Variants in DLG2 observed in about 807,000 individuals in gnomAD.
The protein encoded by DLG2 is discs large MAGUK scaffold protein 2.
DLG2 carries 45 observed loss-of-function variants against 132.5 expected under a neutral mutation model. The ratio of observed to expected loss-of-function variants is 0.34; its 90% CI spans 0.27 to 0.44. DLG2 has a LOEUF of 0.44. Among genes scored for constraint, DLG2 ranks in the 20% least tolerant of loss-of-function variants. The pLI is 1.00. For missense variants in DLG2, 1,045 were observed against 1,196.9 expected (o/e 0.87, Z 1.87); for synonymous variants, 424 against 419.6 (o/e 1.01, Z -0.13).
At chr11:84,263,113 C>T (rs1426578341) in intron 7 of DLG2, among the ~76,000 whole-genome samples, 1 of 152,100 alleles carries the variant, frequency 6.6e-6, no homozygotes, top group Non-Finnish European at 1.5e-5. Flanking sequence ...TACTGAGTCT[C>T]CCCAGTTAGT....
At chr11:83,704,485 T>A (rs968025919) in intron 18 of DLG2, among the ~76,000 whole-genome samples, 2 of 152,070 alleles carry the variant, frequency 1.3e-5, no homozygotes, top group Non-Finnish European at 2.9e-5. Context: ...ACCATTATAA[T>A]TGAAAAATAG....
intron 17 of DLG2, among the ~76,000 whole-genome samples, chr11:83,800,090 G>A (rs2043946229): frequency 6.6e-6 from 1 of 152,138 alleles, no homozygotes; most frequent in African/African-American, 2.4e-5. Flanking sequence ...AGGATGACTT[G>A]GGAGAGTATA....
chr11:85,139,062 T>C (rs539649331), intron 5 of DLG2, among the ~76,000 whole-genome samples: 1 of 152,230 alleles, frequency 6.6e-6, no homozygotes, highest in South Asian at 2.1e-4. Flanking sequence ...TGTTACCACC[T>C]CAGCAAGACC....
intron 3 of DLG2, among the ~76,000 whole-genome samples, chr11:85,406,652 CAAT>C (rs2088771566): frequency 6.6e-6 from 1 of 151,742 alleles, no homozygotes; most frequent in African/African-American, 2.4e-5. Context: ...CTCTGGTATT[CAAT>C]AATAACACTC....
intron 3 of DLG2, among the ~76,000 whole-genome samples, chr11:85,487,933 C>T (rs2093467214): frequency 6.6e-6 from 1 of 152,196 alleles, no homozygotes. Flanking sequence ...TCCCATAATT[C>T]CCATGTGCTG....
chr11:84,263,764 A>G (rs1240286948), intron 7 of DLG2, among the ~76,000 whole-genome samples: 2 of 152,166 alleles, frequency 1.3e-5, no homozygotes, highest in Non-Finnish European at 2.9e-5. Flanking sequence ...GTCTTAAAAT[A>G]TTTTATATCT....
At position 85,623,977 on chromosome 11, in the gene DLG2, G is replaced by A. The variant is rs7926968; in HGVS notation, c.-93+2610C>T. Among the ~76,000 whole-genome samples the A allele has an allele frequency of 5.2e-3, 794 of 152,212 alleles. 8 individuals carry two copies. Among genetic ancestry groups the A allele is most frequent in the African/African-American group, 0.018 (736 of 41,524 alleles). On this transcript the variant is annotated intron_variant, in intron 2 of 27. Coordinates refer to ENST00000376104, the MANE Select transcript of DLG2 (RefSeq NM_001142699.3). ...CCTAAATTTTCACAAATTAAAATATGTCCAAGATTGTCCCAAGGGCTCACC... is the reference window on the plus strand; with the variant it reads ...CCTAAATTTTCACAAATTAAAATATATCCAAGATTGTCCCAAGGGCTCACC...
chr11:85,609,018 G>A (rs1466967889), intron 2 of DLG2, among the ~76,000 whole-genome samples: 1 of 152,114 alleles, frequency 6.6e-6, no homozygotes, highest in Admixed American at 6.5e-5. Flanking sequence ...TCCCCAGTAT[G>A]GATCCCCACT....
At chr11:85,101,343 G>A (rs959345843) in intron 6 of DLG2, among the ~76,000 whole-genome samples, 4 of 152,048 alleles carry the variant, frequency 2.6e-5, no homozygotes, top group East Asian at 1.9e-4. Flanking sequence ...AAACATGTAT[G>A]CCTAAGAAAT....
intron 15 of DLG2, among the ~76,000 whole-genome samples, chr11:83,879,162 G>A (rs994904739): frequency 5.9e-5 from 9 of 152,130 alleles, no homozygotes; most frequent in African/African-American, 2.2e-4. Flanking sequence ...CCTAGCTGGT[G>A]GTAACAAATG....
chr11:84,270,578 G>C (rs2097707867), intron 7 of DLG2, among the ~76,000 whole-genome samples: 4 of 152,098 alleles, frequency 2.6e-5, no homozygotes, highest in South Asian at 2.1e-4. Flanking sequence ...TTTTATGTCA[G>C]GTTTATTGTT....
At chr11:83,930,107 G>A (rs1001236655) in intron 15 of DLG2, among the ~76,000 whole-genome samples, 1 of 152,156 alleles carries the variant, frequency 6.6e-6, no homozygotes, top group Non-Finnish European at 1.5e-5. Flanking sequence ...AGCATCATGT[G>A]ATCAATGTCT....
intron 4 of DLG2, among the ~76,000 whole-genome samples, chr11:85,190,032 T>C (rs532180): frequency 0.23 from 35,261 of 152,118 alleles, 5,039 homozygotes; most frequent in East Asian, 0.41. Flanking sequence ...TGAAACTGAA[T>C]CTAATTCAGG....
intron 6 of DLG2, among the ~76,000 whole-genome samples, chr11:84,603,500 C>T (rs1349098519): frequency 2.6e-5 from 4 of 151,782 alleles, no homozygotes; most frequent in South Asian, 2.1e-4. Flanking sequence ...TGAAAGGATG[C>T]AATCAATCTA....
At chr11:83,490,147 A>G (rs2093756059) in intron 21 of DLG2, among the ~76,000 whole-genome samples, 1 of 152,036 alleles carries the variant, frequency 6.6e-6, no homozygotes, top group Non-Finnish European at 1.5e-5. Flanking sequence ...CAGAGAAAGT[A>G]TAAGGTGAGT....
At chr11:83,490,790 T>G (rs1006184294) in intron 21 of DLG2, among the ~76,000 whole-genome samples, 1 of 151,850 alleles carries the variant, frequency 6.6e-6, no homozygotes, top group African/African-American at 2.4e-5. Context: ...AATATGTCAA[T>G]GTCATGAAAA....
intron 12 of DLG2, among the ~76,000 whole-genome samples, chr11:83,971,542 A>G (rs1185808594): frequency 6.6e-6 from 1 of 152,188 alleles, no homozygotes; most frequent in Non-Finnish European, 1.5e-5. Context: ...GGAATGAGCA[A>G]TATAGAGATG....
intron 2 of DLG2, among the ~76,000 whole-genome samples, chr11:85,599,135 T>C (rs972754967): frequency 1.3e-5 from 2 of 152,160 alleles, no homozygotes; most frequent in Non-Finnish European, 2.9e-5. Flanking sequence ...TTCCTTAACA[T>C]GACCCTTGAG....
At chr11:83,472,815 A>G (rs767475749) in intron 22 of DLG2, 38 bp from the exon 23 acceptor site, 3 of 1,562,258 alleles carry the variant, frequency 1.9e-6, no homozygotes, top group Non-Finnish European at 2.6e-6. Context: ...GTGAACTAAC[A>G]GTCATATATT....
Sources: allele counts gnomAD v4.1 joint callset (sites outside exome capture counted in the v4.1 genomes callset), GRCh38; gene constraint gnomAD v4.1.1; transcripts MANE v1.5; gene names NCBI Gene and HGNC (gene_info 2026-07-23, HGNC 2026-07-21).